PDZD2: variants seen among roughly 807,000 people sequenced by gnomAD.
PDZD2 encodes the protein PDZ domain containing 2, also known as PDZ domain-containing protein 2.
Under a neutral mutation model 220.7 loss-of-function variants are expected in PDZD2, and 90 were observed. The observed-to-expected ratio is 0.41, with a 90% CI of 0.34 to 0.49. The LOEUF (loss-of-function observed/expected upper bound fraction) is 0.49, where lower values mean the gene tolerates loss of function less well. PDZD2 is among the 20% of genes least tolerant of loss of function. The pLI, the probability that PDZD2 is intolerant of heterozygous loss-of-function variation, is 0.28. For missense variants in PDZD2, 3,174 were observed against 3,608.5 expected (o/e 0.88, Z 3.08); for synonymous variants, 1,375 against 1,450.5 (o/e 0.95, Z 1.18).
chr5:32,045,188 T>A lies in PDZD2; in HGVS notation c.1520-3351T>A, dbSNP rs141502593. Reference sequence around the variant, plus strand: ...AGATTAATCTGGTCCTGAGTTAGTATTAAGTCATGAATTATTAAAGAGCTC... The same window carrying A: ...AGATTAATCTGGTCCTGAGTTAGTAATAAGTCATGAATTATTAAAGAGCTC... On this transcript the variant is annotated intron_variant, in intron 7 of 24. Transcript: ENST00000438447. Among the ~76,000 whole-genome samples the A allele has an allele frequency of 2.3e-3, 349 of 152,286 alleles. 2 individuals are homozygous for A. Among genetic ancestry groups the A allele is most frequent in the African/African-American group, 8.1e-3 (337 of 41,566 alleles).
At chr5:31,932,325 G>T (rs982269839) in intron 2 of PDZD2, among the ~76,000 whole-genome samples, 9 of 152,172 alleles carry the variant, frequency 5.9e-5, no homozygotes, top group Admixed American at 1.3e-4. Flanking sequence ...GAGGCAGGCA[G>T]ATCACCTGAG....
At chr5:31,963,731 A>G (rs111426185) in intron 2 of PDZD2, among the ~76,000 whole-genome samples, 34 of 152,354 alleles carry the variant, frequency 2.2e-4, no homozygotes, top group African/African-American at 7.7e-4. Context: ...AAGCAAAACA[A>G]GAGTCCAACA....
intron 21 of PDZD2, among the ~76,000 whole-genome samples, chr5:32,093,653 CGTAAGTTAGA>C (rs1743389842): frequency 6.6e-6 from 1 of 152,134 alleles, no homozygotes; most frequent in South Asian, 2.1e-4. Flanking sequence ...CTTACAACAA[CGTAAGTTAGA>C]GATAATAGAA....
chr5:31,840,927 G>T, intron 2 of PDZD2: 1 of 505,748 alleles, frequency 2.0e-6, no homozygotes, highest in Non-Finnish European at 3.5e-6. Flanking sequence ...TAAAGGCCTG[G>T]AGAACATACT....
At chr5:31,809,709 C>T (rs548676697) in intron 2 of PDZD2, among the ~76,000 whole-genome samples, 7 of 152,334 alleles carry the variant, frequency 4.6e-5, no homozygotes, top group South Asian at 2.1e-4. Context: ...CCACACCCTC[C>T]GTCGCAGCCC....
At chr5:31,701,424 C>T (rs140138081) in intron 1 of PDZD2, among the ~76,000 whole-genome samples, 283 of 152,224 alleles carry the variant, frequency 1.9e-3, no homozygotes, top group African/African-American at 6.4e-3. Context: ...AACTCCTGAA[C>T]TCAATTGATC....
chr5:31,664,957 C>T (rs1745923566), intron 1 of PDZD2: 1 of 152,224 alleles, frequency 6.6e-6, no homozygotes. Flanking sequence ...ATCTCATTAG[C>T]AAGAACTAAC....
At chr5:31,815,694 T>C (rs374251806) in intron 2 of PDZD2, among the ~76,000 whole-genome samples, 6 of 152,352 alleles carry the variant, frequency 3.9e-5, no homozygotes, top group African/African-American at 1.4e-4. Flanking sequence ...TGGAATCCCC[T>C]TGACCAAGAA....
chr5:32,039,793 C>T (rs372228011), intron 7 of PDZD2, among the ~76,000 whole-genome samples: 61 of 151,524 alleles, frequency 4.0e-4, no homozygotes, highest in African/African-American at 1.3e-3. Context: ...CCGGACTGCC[C>T]ATCGTCTGGG....
chr5:32,101,319 A>G, intron 24 of PDZD2, 80 bp downstream of exon 24: 2 of 1,310,486 alleles, frequency 1.5e-6, no homozygotes, highest in Non-Finnish European at 2.1e-6. Flanking sequence ...AATGCCTTCC[A>G]TTTAGAAATC....
intron 2 of PDZD2, among the ~76,000 whole-genome samples, chr5:31,844,846 A>G (rs1238282616): frequency 6.6e-6 from 1 of 151,962 alleles, no homozygotes; most frequent in Non-Finnish European, 1.5e-5. Flanking sequence ...CCTAGAGGTG[A>G]GCAATGGCTG....
intron 1 of PDZD2, among the ~76,000 whole-genome samples, chr5:31,737,039 T>G (rs1401659017): frequency 6.6e-6 from 1 of 152,074 alleles, no homozygotes; most frequent in East Asian, 1.9e-4. Flanking sequence ...ATTAAACCTC[T>G]TTTCTTTATA....
chr5:31,868,062 A>G (rs189640483), intron 2 of PDZD2, among the ~76,000 whole-genome samples: 435 of 152,134 alleles, frequency 2.9e-3, no homozygotes, highest in Non-Finnish European at 5.3e-3. Flanking sequence ...GCCTTGACAT[A>G]CCCTGTGTTG....
At chr5:31,643,628 T>C (rs1365594786) in intron 1 of PDZD2, among the ~76,000 whole-genome samples, 2 of 152,192 alleles carry the variant, frequency 1.3e-5, no homozygotes, top group Non-Finnish European at 2.9e-5. Flanking sequence ...GCAGTGGTGT[T>C]GGCCAAGATG....
chr5:32,030,701 A>C (rs959813576), intron 6 of PDZD2, among the ~76,000 whole-genome samples: 6 of 152,188 alleles, frequency 3.9e-5, no homozygotes, highest in Admixed American at 3.9e-4. Context: ...ATTTAGTGAA[A>C]TATCCATTGT....
intron 8 of PDZD2, among the ~76,000 whole-genome samples, chr5:32,050,961 G>A (rs1476655516): frequency 6.6e-6 from 1 of 152,150 alleles, no homozygotes; most frequent in Non-Finnish European, 1.5e-5. Flanking sequence ...CATGAAAAGT[G>A]GCTAGTGGGG....
chr5:31,916,638 C>T (rs72757977), intron 2 of PDZD2, among the ~76,000 whole-genome samples: 7,798 of 151,022 alleles, frequency 0.052, 241 homozygotes, highest in Non-Finnish European at 0.067. Context: ...AAGACTGTGA[C>T]GTTGCACGTG....
chr5:31,903,912 C>T (rs768147619), intron 2 of PDZD2, among the ~76,000 whole-genome samples: 20 of 151,728 alleles, frequency 1.3e-4, no homozygotes, highest in East Asian at 1.9e-4. Flanking sequence ...TTAGTAGAGA[C>T]GGGGTTTCAC....
intron 3 of PDZD2, among the ~76,000 whole-genome samples, chr5:31,989,707 A>G (rs1334894980): frequency 6.6e-6 from 1 of 152,192 alleles, no homozygotes; most frequent in Non-Finnish European, 1.5e-5. Flanking sequence ...TACAGGCATG[A>G]GCCACCACAC....
Sources: gnomAD v4.1 joint callset for allele counts (sites outside exome capture counted in the v4.1 genomes callset) on GRCh38, gnomAD v4.1.1 for gene constraint, MANE v1.5 for transcripts, NCBI Gene and HGNC (gene_info 2026-07-23, HGNC 2026-07-21) for gene names.